Variants in NELL1 observed in about 807,000 individuals in gnomAD.
NELL1 encodes the protein neural EGFL like 1.
In NELL1, 76 loss-of-function variants were observed where a neutral mutation model predicts 107.4. The observed-to-expected ratio is 0.71, with a 90% confidence interval of 0.59 to 0.86. NELL1 has a LOEUF of 0.86. Among genes scored for constraint, NELL1 ranks in the 40% least tolerant of loss-of-function variants. NELL1 has a pLI of 0.00. For synonymous variants in NELL1, 353 were observed against 341.2 expected (o/e 1.03, Z -0.38); for missense variants, 1,024 against 1,005.5 (o/e 1.02, Z -0.25).
intron 15 of NELL1, among the ~76,000 whole-genome samples, chr11:21,446,095 T>C (rs1397931148): frequency 2.0e-5 from 3 of 152,072 alleles, no homozygotes; most frequent in African/African-American, 7.2e-5. Flanking sequence ...AAGCTAATTC[T>C]TTCTTCTGCT....
At chr11:21,483,572 G>A (rs1854544862) in intron 15 of NELL1, among the ~76,000 whole-genome samples, 1 of 151,990 alleles carries the variant, frequency 6.6e-6, no homozygotes, top group African/African-American at 2.4e-5. Flanking sequence ...TAGTAAAACA[G>A]TTTTGCAATA....
chr11:21,294,780 T>G (rs568748416), intron 14 of NELL1, among the ~76,000 whole-genome samples: 1 of 152,168 alleles, frequency 6.6e-6, no homozygotes, highest in East Asian at 1.9e-4. Flanking sequence ...CATGAGTGTT[T>G]GTACATTGTG....
intron 14 of NELL1, among the ~76,000 whole-genome samples, chr11:21,343,782 G>C (rs183207295): frequency 9.9e-5 from 15 of 152,222 alleles, no homozygotes; most frequent in South Asian, 6.2e-4. Flanking sequence ...CCAGTGGGTT[G>C]TAGGTTGCCA....
At chr11:21,362,022 A>T (rs1285438565) in intron 14 of NELL1, among the ~76,000 whole-genome samples, 1 of 152,168 alleles carries the variant, frequency 6.6e-6, no homozygotes, top group Non-Finnish European at 1.5e-5. Context: ...CTCCATTGCT[A>T]GGGAACTGGT....
chr11:21,057,041 G>A (rs1407314030), intron 12 of NELL1, among the ~76,000 whole-genome samples: 2 of 152,032 alleles, frequency 1.3e-5, no homozygotes, highest in Non-Finnish European at 2.9e-5. Context: ...GAGTTTTAAA[G>A]TTTGAAGGCT....
At chr11:21,066,130 G>T (rs1402736981) in intron 12 of NELL1, among the ~76,000 whole-genome samples, 2 of 152,110 alleles carry the variant, frequency 1.3e-5, no homozygotes, top group Non-Finnish European at 2.9e-5. Context: ...GAAACAAAAG[G>T]CTTTTCAGAT....
intron 16 of NELL1, among the ~76,000 whole-genome samples, chr11:21,539,619 C>T (rs774110537): frequency 1.3e-5 from 2 of 151,430 alleles, no homozygotes; most frequent in Non-Finnish European, 2.9e-5. Flanking sequence ...CAGCCAAACT[C>T]CTCTAGACAT....
rs12789304 is a variant in NELL1, at chr11:20,827,175, C to T, written c.336-20408C>T. 1.2e-4 allele frequency among the ~76,000 whole-genome samples: 18 copies of T among 151,146 alleles called. 1 individual carries two copies. The highest frequency in any genetic ancestry group is 3.3e-4 in the Admixed American group (5 of 15,016). On this transcript the variant is annotated intron_variant, in intron 3 of 19. Transcript: ENST00000357134. ...CCTGCCAAGACACGAACATTAATGT[C>T]TAATTTCCAATTCCATGGACCCCCT...
At chr11:21,529,458 A>G (rs1167053529) in intron 15 of NELL1, among the ~76,000 whole-genome samples, 22 of 152,252 alleles carry the variant, frequency 1.4e-4, no homozygotes, top group Admixed American at 1.4e-3. Flanking sequence ...CAATTCTGGC[A>G]TTCAGCAAAT....
At chr11:21,344,246 A>G (rs952474117) in intron 14 of NELL1, among the ~76,000 whole-genome samples, 19 of 152,210 alleles carry the variant, frequency 1.2e-4, no homozygotes, top group African/African-American at 4.6e-4. Context: ...AGAATTTTTC[A>G]ATCAATACTC....
At chr11:20,949,074 C>G (rs760251156) in intron 11 of NELL1, among the ~76,000 whole-genome samples, 1 of 152,066 alleles carries the variant, frequency 6.6e-6, no homozygotes, top group Non-Finnish European at 1.5e-5. Context: ...AGAAAGTTAG[C>G]AAGAAAGCAA....
At chr11:21,192,260 A>G (rs1442371272) in intron 13 of NELL1, among the ~76,000 whole-genome samples, 1 of 151,926 alleles carries the variant, frequency 6.6e-6, no homozygotes, top group African/African-American at 2.4e-5. Flanking sequence ...CCAGGATATA[A>G]TTATCAGAGC....
intron 13 of NELL1, among the ~76,000 whole-genome samples, chr11:21,161,942 A>ATCTTT (rs1856379999): frequency 1.4e-5 from 1 of 70,900 alleles, no homozygotes; most frequent in African/African-American, 5.9e-5. Flanking sequence ...TGGGAACATA[A>ATCTTT]TCTTTTTTTT....
chr11:20,807,527 G>A (rs568561876), intron 3 of NELL1, among the ~76,000 whole-genome samples: 9 of 152,322 alleles, frequency 5.9e-5, no homozygotes, highest in African/African-American at 1.7e-4. Context: ...CTTGCCCAAG[G>A]CCTACTATAA....
intron 13 of NELL1, among the ~76,000 whole-genome samples, chr11:21,126,694 G>A (rs977137819): frequency 2.0e-5 from 3 of 152,142 alleles, no homozygotes; most frequent in Non-Finnish European, 2.9e-5. Flanking sequence ...AGCTCTTAAA[G>A]CACTTAAAAG....
intron 2 of NELL1, among the ~76,000 whole-genome samples, chr11:20,769,764 G>GC (rs1158796056): frequency 3.3e-5 from 5 of 152,092 alleles, no homozygotes; most frequent in Admixed American, 3.3e-4. Flanking sequence ...TCCCCACGGA[G>GC]CCCCCCACTT....
At position 21,468,544 on chromosome 11, in the gene NELL1, C is replaced by G. The variant is rs563766163; in HGVS notation, c.1646-65830C>G. 2.9e-3 allele frequency among the ~76,000 whole-genome samples: 447 copies of G among 152,070 alleles called. 2 individuals are homozygous for G. Among genetic ancestry groups the G allele is most frequent in the African/African-American group, 0.01 (422 of 41,490 alleles). ...TAAAAAAAGGTATGAGCATGCCTTG[C>G]CCAATCTCCAATTTGCTTCTACAGT... On this transcript the variant is annotated intron_variant, in intron 15 of 19. Transcript: ENST00000357134.
Position 20,902,051 on chromosome 11 carries a change from T to C in NELL1, c.604-16131T>C, listed in dbSNP as rs1319370320. Among the ~76,000 whole-genome samples the C allele has an allele frequency of 2.6e-5, 4 of 152,080 alleles. 1 individual carries two copies. Among genetic ancestry groups the C allele is most frequent in the Non-Finnish European group, 4.4e-5 (3 of 67,996 alleles). ...ATTAAATACCTAACTGAAAGCTCAA[T>C]GTTGAAAGGTTTAGAAGACAACATA... On this transcript the variant is annotated intron_variant, in intron 5 of 19. Coordinates refer to ENST00000357134, the MANE Select transcript of NELL1 (RefSeq NM_006157.5).
intron 9 of NELL1, among the ~76,000 whole-genome samples, chr11:20,928,875 C>T (rs1041378370): frequency 6.6e-6 from 1 of 152,128 alleles, no homozygotes; most frequent in African/African-American, 2.4e-5. Context: ...TGTATTTTGG[C>T]TTTCTGAGGT....
Sources: gnomAD v4.1 joint callset for allele counts (sites outside exome capture counted in the v4.1 genomes callset) on GRCh38, gnomAD v4.1.1 for gene constraint, MANE v1.5 for transcripts, NCBI Gene and HGNC (gene_info 2026-07-23, HGNC 2026-07-21) for gene names.